CFTR: variants seen among roughly 807,000 people sequenced by gnomAD.
CFTR encodes the protein CF transmembrane conductance regulator.
CFTR carries 181 observed loss-of-function variants against 171.6 expected under a neutral mutation model. That is an observed-to-expected ratio of 1.05 (90% CI 0.93 to 1.19). The LOEUF (loss-of-function observed/expected upper bound fraction) is 1.19. Ranked by LOEUF, CFTR falls within the 50% of genes most tolerant of loss-of-function variation. The probability of loss-of-function intolerance (pLI) is 0.00; values close to 1 mark genes in which losing one functional copy is unlikely to be tolerated. For missense variants in CFTR, 1,968 were observed against 1,734.7 expected, an observed-to-expected ratio of 1.13 and a Z score of -2.39; for synonymous variants, 583 against 608.0, an observed-to-expected ratio of 0.96 and a Z score of 0.60.
chr7:117,538,164 G>A (rs1584788353), intron 7 of CFTR, among the ~76,000 whole-genome samples: 1 of 152,156 alleles, frequency 6.6e-6, no homozygotes, highest in African/African-American at 2.4e-5. Flanking sequence ...ATAAATATGG[G>A]ACAGCAAGAG....
chr7:117,549,651 T>C (rs1482166588), intron 10 of CFTR, among the ~76,000 whole-genome samples: 1 of 152,216 alleles, frequency 6.6e-6, no homozygotes, highest in Non-Finnish European at 1.5e-5. Flanking sequence ...CAGAAGTCTA[T>C]AAAATGGTTC....
chr7:117,610,779 CA>C, intron 19 of CFTR, 110 bp downstream of exon 19: 1 of 1,125,610 alleles, frequency 8.9e-7, no homozygotes, highest in Non-Finnish European at 1.3e-6. Flanking sequence ...ACTTTTACAT[CA>C]TATAACAATA....
At chr7:117,577,027 A>C (rs1791780316) in intron 11 of CFTR, among the ~76,000 whole-genome samples, 1 of 152,170 alleles carries the variant, frequency 6.6e-6, no homozygotes, top group African/African-American at 2.4e-5. Flanking sequence ...GGATGACAGG[A>C]GAACAGAAAC....
intron 3 of CFTR, 45 bp from the exon 4 acceptor site, chr7:117,530,854 G>T: frequency 7.7e-7 from 1 of 1,306,160 alleles, no homozygotes; most frequent in Non-Finnish European, 1.1e-6. Context: ...GGTATTTTAT[G>T]AGAAATAAAT....
At chr7:117,641,678 T>C (rs1792915852) in intron 22 of CFTR, among the ~76,000 whole-genome samples, 1 of 152,218 alleles carries the variant, frequency 6.6e-6, no homozygotes, top group Admixed American at 6.5e-5. Context: ...GTTGGGGCTC[T>C]CTGTGGGTCA....
intron 11 of CFTR, among the ~76,000 whole-genome samples, chr7:117,560,394 A>C (rs919334620): frequency 1.3e-5 from 2 of 152,098 alleles, no homozygotes; most frequent in Non-Finnish European, 2.9e-5. Flanking sequence ...TGTTACTATG[A>C]AGTTTATTGA....
At chr7:117,650,024 A>G (rs1191565391) in intron 23 of CFTR, among the ~76,000 whole-genome samples, 1 of 152,156 alleles carries the variant, frequency 6.6e-6, no homozygotes, top group Non-Finnish European at 1.5e-5. Context: ...TGGCAGGAAG[A>G]AAGAGAAGAG....
At chr7:117,548,510 C>G (rs1799204001) in intron 9 of CFTR, 131 bp from the exon 10 acceptor site, 5 of 1,487,916 alleles carry the variant, frequency 3.4e-6, no homozygotes, top group Non-Finnish European at 4.5e-6. Context: ...ATAATGTATA[C>G]AGTGTAATGG....
chr7:117,611,513 C>G (rs1250297899), intron 19 of CFTR, 68 bp from the exon 20 acceptor site: 7 of 969,666 alleles, frequency 7.2e-6, no homozygotes, highest in Admixed American at 2.0e-5. Context: ...TTTTCAGGTA[C>G]AAGATATTAT....
intron 1 of CFTR, chr7:117,487,602 A>G (rs1394525060): frequency 6.6e-6 from 1 of 152,118 alleles, no homozygotes; most frequent in Non-Finnish European, 1.5e-5. Context: ...GGTTTTCATT[A>G]CTTTTGAAAA....
chr7:117,573,545 C>T (rs1262745502), intron 11 of CFTR, among the ~76,000 whole-genome samples: 1 of 152,084 alleles, frequency 6.6e-6, no homozygotes, highest in Non-Finnish European at 1.5e-5. Flanking sequence ...TTACCCTGTC[C>T]AAATTCTCCT....
chr7:117,660,205 C>G (rs17140297), intron 24 of CFTR, among the ~76,000 whole-genome samples: 35,037 of 151,852 alleles, frequency 0.23, 4,364 homozygotes, highest in African/African-American at 0.24. Context: ...TTTAATGCTA[C>G]GTTGTAATGA....
At chr7:117,507,486 T>C (rs930913195) in intron 2 of CFTR, among the ~76,000 whole-genome samples, 1 of 152,198 alleles carries the variant, frequency 6.6e-6, no homozygotes, top group Non-Finnish European at 1.5e-5. Flanking sequence ...TTTTGTTGGT[T>C]TATGTACACA....
Position 117,592,421 on chromosome 7 carries a change from A to C in CFTR, c.2254A>C (p.Ile752Leu). Residue 752 changes from isoleucine to leucine, a missense_variant, in exon 14 of 27, where the codon ATC (isoleucine) becomes CTC (leucine). Ile to Leu is a conservative substitution (Grantham distance 5). Coordinates refer to ENST00000003084, the MANE Select transcript of CFTR (RefSeq NM_000492.4). ...SEQGEAILPR[I>L]SVISTGPTLQ... ...GCAGGGAGAGGCGATACTGCCTCGC[A>C]TCAGCGTGATCAGCACTGGCCCCAC... The C allele has an allele frequency of 6.2e-7, 1 of 1,612,470 alleles. No homozygotes were observed. The highest frequency in any genetic ancestry group is 8.5e-7 in the Non-Finnish European group (1 of 1,179,104).
intron 11 of CFTR, among the ~76,000 whole-genome samples, chr7:117,568,298 C>A (rs1791635653): frequency 6.6e-6 from 1 of 152,088 alleles, no homozygotes. Context: ...CACTGAATGG[C>A]ATTAAATTTG....
In CFTR at chr7:117,664,778, C is replaced by G. The variant is rs751098333; in HGVS notation, c.4054C>G (p.Gln1352Glu). 17 of 1,613,924 alleles carry G rather than the reference C, an allele frequency of 1.1e-5. No individual in the cohort carries two copies. Among genetic ancestry groups the G allele is most frequent in the African/African-American group, 2.7e-5 (2 of 74,898 alleles). ...CTGTGTCCTAAGCCATGGCCACAAG[C>G]AGTTGATGTGCTTGGCTAGATCTGT... The part of the protein sequence containing the change: ...GGCVLSHGHK[Q>E]LMCLARSVLS... Residue 1352 changes from glutamine (Q) to glutamate (E), a missense_variant, in exon 25 of 27, where the codon CAG becomes GAG. Physicochemically the swap from Gln to Glu is conservative, Grantham distance 29. Coordinates refer to ENST00000003084, the MANE Select transcript of CFTR (RefSeq NM_000492.4).
chr7:117,582,609 C>T (rs1338158683), intron 11 of CFTR, among the ~76,000 whole-genome samples: 1 of 152,040 alleles, frequency 6.6e-6, no homozygotes, highest in East Asian at 1.9e-4. Flanking sequence ...CTGGGCCCTC[C>T]TGGAATGCAT....
At chr7:117,633,916 T>G (rs10262673) in intron 22 of CFTR, among the ~76,000 whole-genome samples, 2,178 of 152,210 alleles carry the variant, frequency 0.014, 38 homozygotes, top group African/African-American at 0.031. Flanking sequence ...TTTTTGAGAA[T>G]TTTTGCATTG....
chr7:117,537,440 A>C (rs557567872), intron 7 of CFTR, among the ~76,000 whole-genome samples: 1 of 152,324 alleles, frequency 6.6e-6, no homozygotes, highest in South Asian at 2.1e-4. Context: ...AACTTCAATC[A>C]AAAAAGGTTC....
Sources: gnomAD v4.1 joint callset for allele counts (sites outside exome capture counted in the v4.1 genomes callset) on GRCh38, gnomAD v4.1.1 for gene constraint, MANE v1.5 for transcripts, NCBI Gene and HGNC (gene_info 2026-07-23, HGNC 2026-07-21) for gene names.